Variants in MKLN1 observed in about 807,000 individuals in gnomAD.
MKLN1 encodes muskelin.
In MKLN1, 18 loss-of-function variants were observed where a neutral mutation model predicts 99.0. The observed-to-expected ratio is 0.18, with a 90% CI of 0.13 to 0.27. The LOEUF is 0.27. Among genes scored for constraint, MKLN1 ranks in the 10% least tolerant of loss-of-function variants. The pLI is 1.00. For missense variants in MKLN1, 621 were observed against 875.9 expected (o/e 0.71, Z 3.67); for synonymous variants, 288 against 293.2 (o/e 0.98, Z 0.18).
At chr7:131,173,271 GA>G (rs779862001) in intron 2 of MKLN1, among the ~76,000 whole-genome samples, 81 of 151,994 alleles carry the variant, frequency 5.3e-4, no homozygotes, top group Non-Finnish European at 1.1e-3. Flanking sequence ...TCTAATAAGG[GA>G]AAAACACTAC....
intron 2 of MKLN1, among the ~76,000 whole-genome samples, chr7:131,197,069 C>A (rs1796657810): frequency 6.6e-6 from 1 of 152,178 alleles, no homozygotes; most frequent in Admixed American, 6.5e-5. Context: ...ATTCTCAGAG[C>A]TGGCACACAC....
At chr7:131,160,754 T>A (rs1221435290) in intron 2 of MKLN1, among the ~76,000 whole-genome samples, 1 of 148,788 alleles carries the variant, frequency 6.7e-6, no homozygotes, top group Non-Finnish European at 1.5e-5. Context: ...GGTCTCAAAC[T>A]CCTAAGCTCA....
chr7:131,430,714 C>G (rs1047813527), intron 9 of MKLN1, among the ~76,000 whole-genome samples: 1 of 152,138 alleles, frequency 6.6e-6, no homozygotes, highest in African/African-American at 2.4e-5. Flanking sequence ...TGGTTTCTTA[C>G]GCTTTTTATA....
intron 12 of MKLN1, among the ~76,000 whole-genome samples, chr7:131,458,072 T>C (rs759179375): frequency 6.6e-6 from 1 of 152,080 alleles, no homozygotes; most frequent in Non-Finnish European, 1.5e-5. Context: ...TAAAGTAGAA[T>C]TAAGAATAGC....
At chr7:131,447,858 A>G (rs1243300444) in intron 12 of MKLN1, among the ~76,000 whole-genome samples, 2 of 152,198 alleles carry the variant, frequency 1.3e-5, no homozygotes, top group African/African-American at 4.8e-5. Flanking sequence ...CAACTACGTA[A>G]TGACAGAGCT....
rs3778824 is a variant in MKLN1 at position 131,427,184 on chromosome 7, C to T, written c.848-1849C>T. Among the ~76,000 whole-genome samples, 397 of 152,186 alleles carry T rather than the reference C, an allele frequency of 2.6e-3. 9 individuals are homozygous for T. The East Asian group carries it at 0.036, about 14-fold the overall frequency. On this transcript the variant is annotated intron_variant, in intron 8 of 17. Transcript: ENST00000352689. ...AGCAGTGAAGCATTTTTTTATTTCC[C>T]GTGGTATTTGGGGGATAGAAGAGAC...
chr7:131,449,029 T>C (rs1796101506), intron 12 of MKLN1, among the ~76,000 whole-genome samples: 1 of 152,232 alleles, frequency 6.6e-6, no homozygotes, highest in Non-Finnish European at 1.5e-5. Context: ...TTCTAAGTAC[T>C]GTGAATAAAA....
intron 12 of MKLN1, among the ~76,000 whole-genome samples, chr7:131,451,969 C>T (rs1254533448): frequency 6.6e-6 from 1 of 152,206 alleles, no homozygotes; most frequent in African/African-American, 2.4e-5. Context: ...CTTCATTTGC[C>T]AAATGCTAAG....
chr7:131,355,428 T>C (rs1040309785), intron 1 of MKLN1, among the ~76,000 whole-genome samples: 4 of 151,886 alleles, frequency 2.6e-5, no homozygotes, highest in Non-Finnish European at 4.4e-5. Context: ...TTGCATTTTT[T>C]CCAGGTTTAC....
At chr7:131,414,600 T>C in intron 7 of MKLN1, 45 bp from the exon 8 acceptor site, 1 of 1,324,036 alleles carries the variant, frequency 7.6e-7, no homozygotes. Flanking sequence ...CTGGATATGC[T>C]GTTCTTTGTT....
In MKLN1 at chr7:131,175,336, C is replaced by T. The variant is rs552843005; in HGVS notation, c.-296-27521C>T. ...ATATGAAAAGATGGAGCTTCTGTGACTGACAATAGCTTAAGCAAAGACAGG... is the reference window on the plus strand; with the variant it reads ...ATATGAAAAGATGGAGCTTCTGTGATTGACAATAGCTTAAGCAAAGACAGG... On this transcript the variant is annotated intron_variant, in intron 2 of 7. Coordinates refer to the MKLN1 transcript ENST00000416992. Among the ~76,000 whole-genome samples, 207 of 152,228 alleles carry T rather than the reference C, an allele frequency of 1.4e-3. 1 individual carries two copies. Among genetic ancestry groups the T allele is most frequent in the Middle Eastern group, 3.4e-3 (1 of 294 alleles).
In MKLN1 at chr7:131,192,217, AT is replaced by A. The variant is rs1563247522; in HGVS notation, c.-296-10639del. 5.1e-4 allele frequency among the ~76,000 whole-genome samples: 34 copies of A among 66,838 alleles called. 5 individuals are homozygous for A. The highest frequency in any genetic ancestry group is 2.1e-3 in the African/African-American group (29 of 13,750). 43.8% of individuals were successfully genotyped at this position (66,838 alleles called of 152,430 possible). A position where few individuals can be genotyped will look rare whatever the true frequency, so the allele number is the denominator to read the frequency against. On this transcript the variant is annotated intron_variant, in intron 2 of 7. Transcript: ENST00000416992. ...TATAATATATACAATATATAAATATATAAAATATATACAATATATAAATATA... is the reference window on the plus strand; with the variant it reads ...TATAATATATACAATATATAAATATAAAAATATATACAATATATAAATATA...
At chr7:131,410,375 G>A (rs577245343) in intron 6 of MKLN1, among the ~76,000 whole-genome samples, 5 of 152,168 alleles carry the variant, frequency 3.3e-5, no homozygotes, top group Admixed American at 2.0e-4. Context: ...TCATAGGATT[G>A]TTTTTAGAAT....
intron 9 of MKLN1, 68 bp downstream of exon 9, chr7:131,429,213 A>G (rs557596408): frequency 1.9e-6 from 2 of 1,067,970 alleles, no homozygotes; most frequent in South Asian, 1.5e-5. Flanking sequence ...GTTTTTCGGC[A>G]TGATTATATT....
At chr7:131,271,532 G>A (rs2116557993) in intron 3 of MKLN1, among the ~76,000 whole-genome samples, 2 of 150,874 alleles carry the variant, frequency 1.3e-5, no homozygotes, top group African/African-American at 4.9e-5. Context: ...CAGGAGAATG[G>A]CGTGAACCCG....
chr7:131,352,733 G>A (rs1365898002), intron 1 of MKLN1, among the ~76,000 whole-genome samples: 2 of 152,086 alleles, frequency 1.3e-5, no homozygotes, highest in Non-Finnish European at 2.9e-5. Context: ...GTGTCCTAAG[G>A]TCAGTTGGAA....
At chr7:131,152,326 G>C (rs80153554) in intron 2 of MKLN1, among the ~76,000 whole-genome samples, 84 of 152,000 alleles carry the variant, frequency 5.5e-4, no homozygotes, top group African/African-American at 1.9e-3. Flanking sequence ...TGTCTAAAAT[G>C]TATATATTTC....
At chr7:131,229,520 A>G (rs1174672671) in intron 3 of MKLN1, among the ~76,000 whole-genome samples, 2 of 132,994 alleles carry the variant, frequency 1.5e-5, no homozygotes, top group East Asian at 2.1e-4. Flanking sequence ...TAGATGGTCA[A>G]TGTCTCTTTT....
At chr7:131,137,150 G>A (rs1795660883) in intron 1 of MKLN1, among the ~76,000 whole-genome samples, 1 of 152,080 alleles carries the variant, frequency 6.6e-6, no homozygotes, top group African/African-American at 2.4e-5. Flanking sequence ...ATCACACTTG[G>A]CCCTTGATCC....
Sources: allele counts gnomAD v4.1 joint callset (sites outside exome capture counted in the v4.1 genomes callset), GRCh38; gene constraint gnomAD v4.1.1; transcripts MANE v1.5; gene names NCBI Gene and HGNC (gene_info 2026-07-23, HGNC 2026-07-21).